Variants in FNDC3B observed in about 807,000 individuals in gnomAD.
FNDC3B encodes fibronectin type III domain containing 3B.
Under a neutral mutation model 151.5 loss-of-function variants are expected in FNDC3B, and 12 were observed. The ratio of observed to expected loss-of-function variants is 0.08; its 90% CI spans 0.05 to 0.13. FNDC3B has a LOEUF of 0.13. Among genes scored for constraint, FNDC3B ranks in the 10% least tolerant of loss-of-function variants. The pLI is 1.00. For missense variants in FNDC3B, 1,214 were observed against 1,505.3 expected, an observed-to-expected ratio of 0.81 and a Z score of 3.20; for synonymous variants, 528 against 549.0, an observed-to-expected ratio of 0.96 and a Z score of 0.54.
At chr3:172,107,740 C>T (rs561766622) in intron 1 of FNDC3B, among the ~76,000 whole-genome samples, 1 of 152,184 alleles carries the variant, frequency 6.6e-6, no homozygotes, top group African/African-American at 2.4e-5. Context: ...ACAAAGCGCA[C>T]GAGGAACTTC....
intron 1 of FNDC3B, among the ~76,000 whole-genome samples, chr3:172,060,073 T>C (rs528172812): frequency 6.6e-6 from 1 of 152,376 alleles, no homozygotes; most frequent in African/African-American, 2.4e-5. Flanking sequence ...TCGGACTCAA[T>C]TGACTGGTGC....
At chr3:172,191,985 A>G (rs1724533985) in intron 3 of FNDC3B, among the ~76,000 whole-genome samples, 1 of 152,040 alleles carries the variant, frequency 6.6e-6, no homozygotes, top group African/African-American at 2.4e-5. Flanking sequence ...TGGTACATGT[A>G]TGTGGTACAT....
chr3:172,388,785 C>G (rs1735857556), intron 25 of FNDC3B, among the ~76,000 whole-genome samples: 1 of 152,196 alleles, frequency 6.6e-6, no homozygotes, highest in South Asian at 2.1e-4. Context: ...CCCAAGGGTC[C>G]CTGGCACCAA....
intron 21 of FNDC3B, among the ~76,000 whole-genome samples, chr3:172,349,259 G>A (rs972077076): frequency 1.3e-5 from 2 of 152,154 alleles, no homozygotes; most frequent in Non-Finnish European, 2.9e-5. Flanking sequence ...CAGCGTGGGC[G>A]ACAGAGTGAG....
intron 6 of FNDC3B, among the ~76,000 whole-genome samples, chr3:172,280,366 T>TTTGTTTGTTTTTATATTGA (rs1173936250): frequency 2.6e-5 from 4 of 152,224 alleles, no homozygotes; most frequent in African/African-American, 9.6e-5. Flanking sequence ...TTCTTTTTTG[T>TTTGTTTGTTTTTATATTGA]TTGTTTGTTT....
At chr3:172,120,905 A>C (rs949123329) in intron 2 of FNDC3B, among the ~76,000 whole-genome samples, 5 of 151,892 alleles carry the variant, frequency 3.3e-5, no homozygotes, top group African/African-American at 4.8e-5. Context: ...CGGAGGTTGC[A>C]GTGAGCCGAG....
At chr3:172,060,673 G>A (rs1053742182) in intron 1 of FNDC3B, among the ~76,000 whole-genome samples, 2 of 152,182 alleles carry the variant, frequency 1.3e-5, no homozygotes, top group Non-Finnish European at 2.9e-5. Context: ...ATTCCTTGAA[G>A]GCAGAGACCG....
chr3:172,271,243 C>T (rs1252362537), intron 6 of FNDC3B, among the ~76,000 whole-genome samples: 1 of 152,140 alleles, frequency 6.6e-6, no homozygotes, highest in Admixed American at 6.5e-5. Flanking sequence ...TCATGTAATT[C>T]ATAGAAATTA....
intron 2 of FNDC3B, among the ~76,000 whole-genome samples, chr3:172,130,261 C>G (rs914253314): frequency 1.3e-5 from 2 of 152,184 alleles, no homozygotes; most frequent in African/African-American, 4.8e-5. Flanking sequence ...TAAAATACCT[C>G]AGTGCCAAGA....
chr3:172,158,449 A>G (rs895132312), intron 3 of FNDC3B, among the ~76,000 whole-genome samples: 1 of 152,036 alleles, frequency 6.6e-6, no homozygotes, highest in African/African-American at 2.4e-5. Context: ...TGCCTTCCGT[A>G]TCTCCTCTTT....
At chr3:172,111,902 C>G (rs966842483) in intron 1 of FNDC3B, among the ~76,000 whole-genome samples, 19 of 151,972 alleles carry the variant, frequency 1.3e-4, no homozygotes, top group Admixed American at 1.2e-3. Flanking sequence ...TGTGTGAGAG[C>G]GTGTGTGTGT....
At chr3:172,290,582 G>GT (rs1560060387) in intron 7 of FNDC3B, among the ~76,000 whole-genome samples, 1 of 152,164 alleles carries the variant, frequency 6.6e-6, no homozygotes, top group Non-Finnish European at 1.5e-5. Flanking sequence ...TGGAATTGTG[G>GT]TTCTGCATTG....
In FNDC3B at chr3:172,397,315, G is replaced by A. The variant is rs142343118; in HGVS notation, c.3455G>A (p.Arg1152Gln). ...CCCTCTGCGGCTTTTGTATTACAACGAAGTGAGGTCATGCTTACAGGGGAC... is the reference window on the plus strand; with the variant it reads ...CCCTCTGCGGCTTTTGTATTACAACAAAGTGAGGTCATGCTTACAGGGGAC... ...FSPSAAFVLQ[R>Q]SEVMLTGDMG... The change falls in exon 26 of 26, where the codon CGA becomes CAA. Residue 1152 changes from arginine (R) to glutamine (Q), a missense_variant. Coordinates refer to ENST00000415807, the MANE Select transcript of FNDC3B (RefSeq NM_022763.4). 226 of 1,614,180 alleles carry A rather than the reference G, an allele frequency of 1.4e-4. No individual in the cohort carries two copies. Among genetic ancestry groups the A allele is most frequent in the Non-Finnish European group, 1.8e-4 (210 of 1,180,034 alleles).
intron 11 of FNDC3B, among the ~76,000 whole-genome samples, chr3:172,323,251 A>C (rs1732179510): frequency 6.6e-6 from 1 of 152,166 alleles, no homozygotes; most frequent in Admixed American, 6.5e-5. Context: ...TGGACATGGT[A>C]GCTCACACCT....
chr3:172,117,736 T>C (rs985367250), intron 2 of FNDC3B, among the ~76,000 whole-genome samples: 7 of 152,224 alleles, frequency 4.6e-5, no homozygotes, highest in African/African-American at 1.4e-4. Flanking sequence ...TTGGATTAGA[T>C]ACCTCTTTGA....
At chr3:172,110,675 G>A (rs1719912982) in intron 1 of FNDC3B, among the ~76,000 whole-genome samples, 1 of 151,902 alleles carries the variant, frequency 6.6e-6, no homozygotes, top group Admixed American at 6.6e-5. Context: ...AGACAACAGA[G>A]CCACAGTCTG....
chr3:172,386,937 AC>A (rs1735745113), intron 25 of FNDC3B, among the ~76,000 whole-genome samples: 1 of 151,984 alleles, frequency 6.6e-6, no homozygotes, highest in Non-Finnish European at 1.5e-5. Flanking sequence ...TCTTCTCTTG[AC>A]CAAACTATTT....
intron 3 of FNDC3B, among the ~76,000 whole-genome samples, chr3:172,214,657 A>T: frequency 6.6e-6 from 1 of 151,078 alleles, no homozygotes; most frequent in South Asian, 2.1e-4. Context: ...TATTTGGTTC[A>T]TTTTTTTTTC....
intron 6 of FNDC3B, among the ~76,000 whole-genome samples, chr3:172,274,793 G>A (rs1288536343): frequency 1.3e-5 from 2 of 152,088 alleles, no homozygotes; most frequent in South Asian, 2.1e-4. Context: ...TTCTCCCTCT[G>A]TCTTCACATC....
Sources: gnomAD v4.1 joint callset for allele counts (sites outside exome capture counted in the v4.1 genomes callset) on GRCh38, gnomAD v4.1.1 for gene constraint, MANE v1.5 for transcripts, NCBI Gene and HGNC (gene_info 2026-07-23, HGNC 2026-07-21) for gene names.